TRIM22: variants seen among roughly 807,000 people sequenced by gnomAD.
TRIM22 encodes the protein E3 ubiquitin-protein ligase TRIM22.
TRIM22 carries 45 observed loss-of-function variants against 53.6 expected under a neutral mutation model. The observed-to-expected ratio is 0.84, with a 90% CI of 0.66 to 1.08. The LOEUF (loss-of-function observed/expected upper bound fraction) is 1.08. TRIM22 is among the 50% of genes least tolerant of loss of function. The pLI is 0.00. For synonymous variants in TRIM22, 225 were observed against 216.6 expected, an observed-to-expected ratio of 1.04 and a Z score of -0.34; for missense variants, 616 against 590.9, an observed-to-expected ratio of 1.04 and a Z score of -0.44.
Position 5,698,581 on chromosome 11 carries a change from A to AG in TRIM22, c.750+40dup, listed in dbSNP as rs951475089. ...GGATGGAGCACCTACGTAAGAGATT[A>AG]GGGGAAAAACACAGAGGCCGATTTT... is the stretch of plus-strand genomic sequence containing the variant. On this transcript the variant is annotated intron_variant, in intron 4 of 7. Coordinates refer to ENST00000379965, the MANE Select transcript of TRIM22 (RefSeq NM_006074.5). The AG allele has an allele frequency of 1.9e-6, 3 of 1,546,216 alleles. No individual in the cohort carries two copies. In the East Asian group the frequency reaches 6.9e-5, roughly 36 times the overall value.
At chr11:5,696,819 C>T in intron 2 of TRIM22, 164 bp downstream of exon 2, 1 of 702,298 alleles carries the variant, frequency 1.4e-6, no homozygotes, top group Non-Finnish European at 2.3e-6. Context: ...CTGAAGGACA[C>T]TGCTGCACAT....
At chr11:5,706,785 T>C (rs188220118) in intron 5 of TRIM22, among the ~76,000 whole-genome samples, 169 bp downstream of exon 5, 53 of 152,340 alleles carry the variant, frequency 3.5e-4, no homozygotes, top group Admixed American at 2.2e-3. Flanking sequence ...TTGTAAGAAA[T>C]TTTGGTGTTG....
Position 5,709,372 on chromosome 11 carries a change from C to T in TRIM22, c.1221C>T (p.Tyr407=), listed in dbSNP as rs199559573. Residue 407 remains tyrosine (Y), a synonymous_variant, in exon 8 of 8, where the codon TAC becomes TAT. Coordinates refer to ENST00000379965, the MANE Select transcript of TRIM22 (RefSeq NM_006074.5). ...VYSRYRPQYG[Y]WVIGLQNTCE... is the part of the protein sequence containing the mutation. Reference sequence around the variant, plus strand: ...CCAGATATAGACCTCAATATGGCTACTGGGTTATAGGATTACAGAATACAT... The same window carrying T: ...CCAGATATAGACCTCAATATGGCTATTGGGTTATAGGATTACAGAATACAT... 2 of 1,614,044 alleles carry T rather than the reference C, an allele frequency of 1.2e-6. No individual in the cohort carries two copies. The highest frequency in any genetic ancestry group is 4.5e-5 in the East Asian group (2 of 44,882).
chr11:5,696,627 G>T lies in TRIM22; in HGVS notation c.395G>T (p.Arg132Leu). The T allele has an allele frequency of 6.2e-7, 1 of 1,612,176 alleles. No homozygotes were observed. The highest frequency in any genetic ancestry group is 8.5e-7 in the Non-Finnish European group (1 of 1,179,818). The change falls in exon 2 of 8, where the codon CGC (arginine) becomes CTC (leucine). Residue 132 changes from arginine to leucine, a missense_variant. Coordinates refer to ENST00000379965, the MANE Select transcript of TRIM22 (RefSeq NM_006074.5). ...GAACACCAAGGTCACCAAACATTCC[G>T]CATAAACGAGGTGGTCAAGGAATGT... ...SQEHQGHQTF[R>L]INEVVKECQE...
chr11:5,710,550 A>G lies in TRIM22; in HGVS notation c.*902A>G, dbSNP rs186579893. ...TTTATTTGCTAATAGTGGATTTTTA[A>G]TGCTCAGAGTTTCTGAGGTCAAATT... On this transcript the variant is annotated 3_prime_UTR_variant, in exon 8 of 8. Coordinates refer to ENST00000379965, the MANE Select transcript of TRIM22 (RefSeq NM_006074.5). The G allele has an allele frequency of 4.6e-5, 7 of 152,324 alleles. No individual in the cohort carries two copies. The highest frequency in any genetic ancestry group is 1.5e-5 in the Non-Finnish European group (1 of 68,016). 9.4% of individuals were successfully genotyped at this position (152,324 alleles called of 1,614,324 possible). A position where few individuals can be genotyped will look rare whatever the true frequency, so the allele number is the denominator to read the frequency against.
chr11:5,700,252 C>A (rs1023120172), intron 4 of TRIM22, among the ~76,000 whole-genome samples: 36 of 151,696 alleles, frequency 2.4e-4, no homozygotes, highest in African/African-American at 8.5e-4. Flanking sequence ...CCTCCCAGGA[C>A]TAGCGCACAC....
At chr11:5,697,121 A>G in intron 2 of TRIM22, 127 bp from the exon 3 acceptor site, 3 of 670,932 alleles carry the variant, frequency 4.5e-6, no homozygotes, top group Non-Finnish European at 7.5e-6. Context: ...CATAGGTTCT[A>G]ATCACCAGCC....
chr11:5,700,466 G>C (rs1326939554), intron 4 of TRIM22, among the ~76,000 whole-genome samples: 1 of 151,666 alleles, frequency 6.6e-6, no homozygotes, highest in Non-Finnish European at 1.5e-5. Context: ...ACACTAGCTA[G>C]GACTTCTAGT....
chr11:5,703,383 T>C (rs1853403074), intron 4 of TRIM22, among the ~76,000 whole-genome samples: 1 of 75,822 alleles, frequency 1.3e-5, no homozygotes, highest in South Asian at 4.1e-4. Context: ...AATTTTATTC[T>C]TTTTTTTTCT....
At position 5,698,394 on chromosome 11, in the gene TRIM22, G is replaced by A. The variant is rs1334072850; in HGVS notation, c.599G>A (p.Arg200Lys). The part of the protein sequence containing the change: ...MRVILDNEEQ[R>K]ELQKLEEGEV... ...GTCATCTTGGACAATGAGGAGCAGA[G>A]AGAGCTGCAAAAGCTGGAGGAAGGT... is the stretch of plus-strand genomic sequence containing the variant. The change falls in exon 4 of 8, where the codon AGA becomes AAA. Residue 200 changes from arginine (R) to lysine (K), a missense_variant. Transcript: ENST00000379965. The A allele has an allele frequency of 1.2e-6, 2 of 1,614,106 alleles. No individual in the cohort carries two copies. The highest frequency in any genetic ancestry group is 1.7e-6 in the Non-Finnish European group (2 of 1,180,048).
In TRIM22 at chr11:5,709,641, G is replaced by T. The variant is rs1245096739; in HGVS notation, c.1490G>T (p.Ser497Ile). Residue 497 changes from serine (S) to isoleucine (I), a missense_variant, in exon 8 of 8, where the codon AGC becomes ATC. Physicochemically the swap from Ser to Ile is moderately radical, Grantham distance 142. Transcript: ENST00000379965. ...CLVPMTVCPP[S>I]S ...GTCCCCATGACTGTGTGCCCACCGAGCTCCTGAGTGTTCTCATTCCTTTAC... is the reference window on the plus strand; with the variant it reads ...GTCCCCATGACTGTGTGCCCACCGATCTCCTGAGTGTTCTCATTCCTTTAC... 6 of 1,601,768 alleles carry T rather than the reference G, an allele frequency of 3.7e-6. No homozygotes were observed. In the Admixed American group the frequency reaches 1.0e-4, roughly 27 times the overall value.
At chr11:5,704,210 T>C (rs1034905172) in intron 4 of TRIM22, among the ~76,000 whole-genome samples, 3 of 152,210 alleles carry the variant, frequency 2.0e-5, no homozygotes, top group Non-Finnish European at 4.4e-5. Flanking sequence ...TCATGCTAGA[T>C]GTCTTATTTC....
At chr11:5,694,871 G>A (rs1005204372) in intron 1 of TRIM22, among the ~76,000 whole-genome samples, 5 of 152,056 alleles carry the variant, frequency 3.3e-5, no homozygotes, top group African/African-American at 1.2e-4. Flanking sequence ...GGGTAGATGT[G>A]TTAGGATGTA....
intron 5 of TRIM22, among the ~76,000 whole-genome samples, chr11:5,707,934 T>C (rs1012799236): frequency 6.6e-6 from 1 of 152,208 alleles, no homozygotes; most frequent in Non-Finnish European, 1.5e-5. Context: ...GCGAACATCG[T>C]TGAAGTGAAG....
At chr11:5,708,469 A>G in intron 6 of TRIM22, 108 bp from the exon 7 acceptor site, 1 of 1,167,380 alleles carries the variant, frequency 8.6e-7, no homozygotes. Context: ...TCACCAGTGC[A>G]AAGAATCCCA....
chr11:5,704,251 TTC>T (rs1039716233), intron 4 of TRIM22, among the ~76,000 whole-genome samples: 92 of 146,930 alleles, frequency 6.3e-4, no homozygotes, highest in African/African-American at 2.4e-3. Flanking sequence ...TTCTTTATCT[TTC>T]TTTTTTTTTC....
At chr11:5,708,388 A>G in intron 6 of TRIM22, 115 bp downstream of exon 6, 2 of 1,074,828 alleles carry the variant, frequency 1.9e-6, no homozygotes, top group South Asian at 2.9e-5. Context: ...CCAGAGAAGG[A>G]GGAAAATCCT....
chr11:5,708,713 GTTC>G lies in TRIM22; in HGVS notation c.901+113_901+115del, dbSNP rs1193345377. The G allele has an allele frequency of 2.2e-3, 1,479 of 686,478 alleles. 7 individuals carry two copies. Among genetic ancestry groups the G allele is most frequent in the East Asian group, 0.016 (480 of 30,608 alleles). The allele number at this position is 686,478 out of a possible 1,614,324, so 42.5% of individuals were successfully genotyped here. A position where few individuals can be genotyped will look rare whatever the true frequency, so the allele number is the denominator to read the frequency against. On this transcript the variant is annotated intron_variant, in intron 7 of 7. Coordinates refer to ENST00000379965, the MANE Select transcript of TRIM22 (RefSeq NM_006074.5). ...TCCCCAAACATGCTTAAACCATGTA[GTTC>G]TTTTTTTTTTTTTTTTTAAGATAGA...
intron 4 of TRIM22, among the ~76,000 whole-genome samples, chr11:5,700,605 T>TTC (rs369811867): frequency 3.2e-5 from 3 of 92,946 alleles, no homozygotes; most frequent in African/African-American, 4.4e-5. Context: ...TTTTTTTTTT[T>TTC]CAGATTTGTA....
Sources: allele counts gnomAD v4.1 joint callset (sites outside exome capture counted in the v4.1 genomes callset), GRCh38; gene constraint gnomAD v4.1.1; transcripts MANE v1.5; gene names NCBI Gene and HGNC (gene_info 2026-07-23, HGNC 2026-07-21).